The following PTP4A2 variants were observed in gnomAD, a reference collection of about 807,000 sequenced individuals.
PTP4A2 encodes the protein protein tyrosine phosphatase 4A2.
Under a neutral mutation model 22.9 loss-of-function variants are expected in PTP4A2, and 2 were observed. The ratio of observed to expected loss-of-function variants is 0.09; its 90% CI spans 0.04 to 0.27. The LOEUF is 0.27. Among genes scored for constraint, PTP4A2 ranks in the 10% least tolerant of loss-of-function variants. The pLI is 1.00. For synonymous variants in PTP4A2, 68 were observed against 69.1 expected (o/e 0.98, Z 0.08); for missense variants, 103 against 205.1 (o/e 0.50, Z 3.04).
intron 1 of PTP4A2, among the ~76,000 whole-genome samples, chr1:31,927,333 C>T (rs915153116): frequency 6.6e-6 from 1 of 152,168 alleles, no homozygotes; most frequent in African/African-American, 2.4e-5. Context: ...AGGGGAACAA[C>T]AGACACTGGG....
chr1:31,928,202 T>C (rs558667059), intron 1 of PTP4A2, among the ~76,000 whole-genome samples: 1 of 141,244 alleles, frequency 7.1e-6, no homozygotes, highest in Non-Finnish European at 1.5e-5. Context: ...CATATATTTA[T>C]ATATTATAAT....
rs932583521 is a variant in PTP4A2, at chr1:31,907,466, C to A, written c.*1386G>T. ...TACACCGCTTCACAAGCAACACAGT[C>A]CCTTCACTACTCATTGGGTTGCACG... On this transcript the variant is annotated 3_prime_UTR_variant, in exon 6 of 6. Transcript: ENST00000647444. 1 of 152,124 alleles carries A rather than the reference C, an allele frequency of 6.6e-6. No homozygotes were observed. Among genetic ancestry groups the A allele is most frequent in the Non-Finnish European group, 1.5e-5 (1 of 68,032 alleles). The allele number at this position is 152,124 out of a possible 1,614,324, so 9.4% of individuals were successfully genotyped here.
At chr1:31,923,398 G>A (rs1272561732) in intron 1 of PTP4A2, among the ~76,000 whole-genome samples, 41 of 140,456 alleles carry the variant, frequency 2.9e-4, no homozygotes, top group Non-Finnish European at 5.2e-4. Context: ...GCAGTGGCGC[G>A]ATCTCGGCTC....
At chr1:31,927,622 G>A (rs1466015422) in intron 1 of PTP4A2, among the ~76,000 whole-genome samples, 4 of 152,182 alleles carry the variant, frequency 2.6e-5, no homozygotes, top group Admixed American at 6.5e-5. Context: ...GAAGCAAGGA[G>A]ACAAGTAGAT....
At chr1:31,909,018 G>A (rs1365947550) in intron 5 of PTP4A2, 58 bp from the exon 6 acceptor site, 15 of 1,228,610 alleles carry the variant, frequency 1.2e-5, no homozygotes, top group Non-Finnish European at 1.8e-5. Context: ...CTGATTCACT[G>A]AAATGCATTA....
chr1:31,931,826 A>C (rs1467988659), intron 1 of PTP4A2, among the ~76,000 whole-genome samples: 5 of 152,212 alleles, frequency 3.3e-5, no homozygotes, highest in African/African-American at 7.2e-5. Flanking sequence ...CTATTTGCTG[A>C]CAAATCCTGC....
chr1:31,914,032 G>A, intron 3 of PTP4A2: 1 of 381,770 alleles, frequency 2.6e-6, no homozygotes, highest in Non-Finnish European at 5.2e-6. Context: ...TTAGAAATTT[G>A]ACTGCAAGCA....
chr1:31,929,264 C>T (rs1179741894), intron 1 of PTP4A2, among the ~76,000 whole-genome samples: 2 of 152,072 alleles, frequency 1.3e-5, no homozygotes, highest in African/African-American at 4.8e-5. Flanking sequence ...TGGCCAACGC[C>T]GACTTTCTCT....
rs1651274156 is a variant in PTP4A2, at chr1:31,908,110, G to T, written c.*742C>A. On this transcript the variant is annotated 3_prime_UTR_variant, in exon 6 of 6. Transcript: ENST00000647444. ...ATCAGTAAAGACTAAAAACCACCTG[G>T]AAAATATATATATATATATATATAT... 3.5e-5 allele frequency: 1 copy of T among 28,882 alleles called. No homozygotes were observed. Among genetic ancestry groups the T allele is most frequent in the African/African-American group, 2.7e-4 (1 of 3,744 alleles). 1.8% of individuals were successfully genotyped at this position (28,882 alleles called of 1,614,324 possible). A position where few individuals can be genotyped will look rare whatever the true frequency, so the allele number is the denominator to read the frequency against.
At chr1:31,917,234 C>T (rs989612394) in intron 2 of PTP4A2, among the ~76,000 whole-genome samples, 26 of 152,314 alleles carry the variant, frequency 1.7e-4, no homozygotes, top group African/African-American at 6.0e-4. Flanking sequence ...GGCGTAGAAT[C>T]AACTTGTACG....
chr1:31,922,539 GA>G (rs1415750343), intron 1 of PTP4A2, among the ~76,000 whole-genome samples: 1 of 152,168 alleles, frequency 6.6e-6, no homozygotes, highest in Non-Finnish European at 1.5e-5. Flanking sequence ...GCTTAAGTAT[GA>G]TCGCACTGCT....
At chr1:31,922,586 GTT>G (rs1386060733) in intron 1 of PTP4A2, among the ~76,000 whole-genome samples, 1 of 146,000 alleles carries the variant, frequency 6.8e-6, no homozygotes, top group African/African-American at 2.6e-5. Context: ...ACCCAGGTTT[GTT>G]TCTTTCTTTC....
rs772591838 is a variant in PTP4A2, at chr1:31,907,539, G to C, written c.*1313C>G. The C allele has an allele frequency of 1.3e-5, 2 of 151,906 alleles. No homozygotes were observed. Among genetic ancestry groups the C allele is most frequent in the East Asian group, 1.9e-4 (1 of 5,194 alleles). The allele number at this position is 151,906 out of a possible 1,614,324, so 9.4% of individuals were successfully genotyped here. A position where few individuals can be genotyped will look rare whatever the true frequency, so the allele number is the denominator to read the frequency against. Reference sequence around the variant, plus strand: ...TGGCCTGTGGACACATACTCACTAGGCATCATTGTTGGTTTTAAACCAGGG... The same window carrying C: ...TGGCCTGTGGACACATACTCACTAGCCATCATTGTTGGTTTTAAACCAGGG... On this transcript the variant is annotated 3_prime_UTR_variant, in exon 6 of 6. Coordinates refer to ENST00000647444, the MANE Select transcript of PTP4A2 (RefSeq NM_080391.4).
intron 1 of PTP4A2, among the ~76,000 whole-genome samples, chr1:31,920,260 A>T (rs969044457): frequency 6.6e-6 from 1 of 150,494 alleles, no homozygotes; most frequent in African/African-American, 2.4e-5. Context: ...CCTGGCCAAC[A>T]TGGAGAAACC....
chr1:31,909,091 AC>A, intron 5 of PTP4A2, 131 bp from the exon 6 acceptor site: 1 of 680,600 alleles, frequency 1.5e-6, no homozygotes, highest in South Asian at 1.8e-5. Flanking sequence ...CCATACTACA[AC>A]AATTCTTAAA....
intron 1 of PTP4A2, among the ~76,000 whole-genome samples, chr1:31,926,149 A>AAAAAAATATATATAT (rs59088489): frequency 1.5e-5 from 2 of 131,348 alleles, no homozygotes; most frequent in South Asian, 4.8e-4. Context: ...AAAAAAAAAA[A>AAAAAAATATATATAT]ATATATATAT....
rs1249514320 is a variant in PTP4A2 at position 31,906,784 on chromosome 1, ACACC to A, written c.*2064_*2067del. 896 of 101,082 alleles carry A rather than the reference ACACC, an allele frequency of 8.9e-3. 7 individuals are homozygous for A. The highest frequency in any genetic ancestry group is 0.028 in the African/African-American group (760 of 27,208). 6.3% of individuals were successfully genotyped at this position (101,082 alleles called of 1,614,324 possible). ...CACACACACACACACACACACACAC[ACACC>A]CCCTCCCCCCAAACAACAAAATTCA... is the stretch of plus-strand genomic sequence containing the variant. On this transcript the variant is annotated 3_prime_UTR_variant, in exon 6 of 6. Coordinates refer to ENST00000647444, the MANE Select transcript of PTP4A2 (RefSeq NM_080391.4).
rs760958558 is a variant in PTP4A2 at position 31,911,701 on chromosome 1, C to T, written c.315G>A (p.Leu105=). The change falls in exon 4 of 6, where the codon TTG becomes TTA. Residue 105 remains leucine (L), a synonymous_variant. Coordinates refer to ENST00000647444, the MANE Select transcript of PTP4A2 (RefSeq NM_080391.4). ...CCVAVHCVAG[L]GRAPVLVALA... The stretch of plus-strand genomic sequence containing the variant: ...TAATAAAGGTAAGAGTTTACCTTCC[C>T]AATCCTGCAACACAATGCACTGCAA... 1.3e-6 allele frequency: 2 copies of T among 1,587,400 alleles called. No homozygotes were observed. Among genetic ancestry groups the T allele is most frequent in the Admixed American group, 3.7e-5 (2 of 54,668 alleles).
chr1:31,936,429 A>C (rs1171485694), intron 1 of PTP4A2, among the ~76,000 whole-genome samples: 1 of 151,946 alleles, frequency 6.6e-6, no homozygotes, highest in East Asian at 1.9e-4. Context: ...AAACAAAAGG[A>C]CCATACTACT....
Sources: allele counts gnomAD v4.1 joint callset (sites outside exome capture counted in the v4.1 genomes callset), GRCh38; gene constraint gnomAD v4.1.1; transcripts MANE v1.5; gene names NCBI Gene and HGNC (gene_info 2026-07-23, HGNC 2026-07-21).